GNAL: variants seen among roughly 807,000 people sequenced by gnomAD.
GNAL encodes the protein G protein subunit alpha L.
GNAL carries 18 observed loss-of-function variants against 55.1 expected under a neutral mutation model. The ratio of observed to expected loss-of-function variants is 0.33; its 90% confidence interval spans 0.23 to 0.48. GNAL has a LOEUF of 0.48. Among genes scored for constraint, GNAL ranks in the 20% least tolerant of loss-of-function variants. The probability of loss-of-function intolerance (pLI) is 0.99; values close to 1 mark genes in which losing one functional copy is unlikely to be tolerated. For synonymous variants in GNAL, 253 were observed against 237.0 expected (o/e 1.07, Z -0.62); for missense variants, 412 against 614.1 (o/e 0.67, Z 3.48).
intron 1 of GNAL, among the ~76,000 whole-genome samples, chr18:11,692,849 G>A (rs778099966): frequency 1.3e-5 from 2 of 152,046 alleles, no homozygotes; most frequent in Admixed American, 6.6e-5. Context: ...GTCTCACTAC[G>A]CTGGCCAGGC....
chr18:11,751,744 GCTCC>G lies in GNAL; in HGVS notation c.377-1106_377-1103del. ...GCCGGCCGGGCTCCGTGGGGGGTCA[GCTCC>G]CTGACCCCTACAGCGCGGTAGCGCC... On this transcript the variant is annotated intron_variant, in intron 1 of 11. Transcript: ENST00000334049. The surrounding 1 kb of genome is among the most constrained non-coding windows in gnomAD (Gnocchi z 4.5). The G allele has an allele frequency of 9.0e-6, 7 of 775,436 alleles. No homozygotes were observed. Among genetic ancestry groups the G allele is most frequent in the Non-Finnish European group, 1.1e-5 (7 of 637,856 alleles). The allele number at this position is 775,436 out of a possible 1,614,324, so 48.0% of individuals were successfully genotyped here. A position where few individuals can be genotyped will look rare whatever the true frequency, so the allele number is the denominator to read the frequency against.
intron 4 of GNAL, among the ~76,000 whole-genome samples, chr18:11,794,719 T>C (rs1373643489): frequency 6.7e-6 from 1 of 149,668 alleles, no homozygotes; most frequent in Non-Finnish European, 1.5e-5. Context: ...TGGTTACTTT[T>C]ATGTTATGTG....
intron 1 of GNAL, among the ~76,000 whole-genome samples, chr18:11,724,441 A>G (rs1567999124): frequency 6.6e-6 from 1 of 152,228 alleles, no homozygotes; most frequent in Non-Finnish European, 1.5e-5. Flanking sequence ...CTCTTCAGCA[A>G]CGTCCCAGAA....
chr18:11,715,725 T>C (rs921260279), intron 1 of GNAL, among the ~76,000 whole-genome samples: 11 of 152,026 alleles, frequency 7.2e-5, no homozygotes, highest in African/African-American at 2.7e-4. Flanking sequence ...AGTAGGAACA[T>C]ATAAGGCAGT....
rs1165683242 is a variant in GNAL at position 11,884,161 on chromosome 18, C to T, written c.*3026C>T. On this transcript the variant is annotated 3_prime_UTR_variant, in exon 12 of 12. Coordinates refer to ENST00000334049, the MANE Select transcript of GNAL (RefSeq NM_182978.4). ...CAAGGACTGTCGTGCATGTGAGTGACGACATTAATAGCATTTACATACTGT... is the reference window on the plus strand; with the variant it reads ...CAAGGACTGTCGTGCATGTGAGTGATGACATTAATAGCATTTACATACTGT... The T allele has an allele frequency of 3.6e-5, 11 of 306,784 alleles. No homozygotes were observed. The highest frequency in any genetic ancestry group is 1.0e-4 in the South Asian group (2 of 19,742). 19.0% of individuals were successfully genotyped at this position (306,784 alleles called of 1,614,324 possible). A position where few individuals can be genotyped will look rare whatever the true frequency, so the allele number is the denominator to read the frequency against.
At chr18:11,699,546 G>GTTT (rs59919332) in intron 1 of GNAL, among the ~76,000 whole-genome samples, 9 of 146,254 alleles carry the variant, frequency 6.2e-5, no homozygotes, top group Admixed American at 4.8e-4. Context: ...TAGTTGTTGG[G>GTTT]TTTTTTTTTT....
chr18:11,718,850 C>A (rs2032031302), intron 1 of GNAL, among the ~76,000 whole-genome samples: 1 of 151,950 alleles, frequency 6.6e-6, no homozygotes. Flanking sequence ...TCTTTTCTGG[C>A]TTTTTTTCAT....
intron 5 of GNAL, among the ~76,000 whole-genome samples, chr18:11,846,103 G>A (rs2035728675): frequency 1.3e-5 from 2 of 152,008 alleles, no homozygotes; most frequent in Admixed American, 1.3e-4. Context: ...GAAAAGAGAG[G>A]CATCCCGTAC....
intron 4 of GNAL, among the ~76,000 whole-genome samples, chr18:11,824,458 TG>T (rs1176064310): frequency 2.0e-5 from 3 of 151,830 alleles, no homozygotes; most frequent in African/African-American, 7.3e-5. Flanking sequence ...GAGGCCGAGG[TG>T]GGAGGATCAC....
At chr18:11,880,751 G>C (rs758836593) in intron 11 of GNAL, among the ~76,000 whole-genome samples, 1 of 152,044 alleles carries the variant, frequency 6.6e-6, no homozygotes, top group African/African-American at 2.4e-5. Flanking sequence ...CTTGCCTGCC[G>C]GGGCTTTCTC....
At chr18:11,755,071 C>G (rs2033002492) in intron 4 of GNAL, among the ~76,000 whole-genome samples, 2 of 151,596 alleles carry the variant, frequency 1.3e-5, no homozygotes, top group South Asian at 4.2e-4. Flanking sequence ...TTTGTATTGC[C>G]TGGCATGGTG....
At chr18:11,804,175 A>AGCG (rs1457250768) in intron 4 of GNAL, among the ~76,000 whole-genome samples, 202 of 139,296 alleles carry the variant, frequency 1.5e-3, no homozygotes, top group African/African-American at 4.6e-3. Flanking sequence ...GATACTGTGT[A>AGCG]GTGGTGAAGT....
intron 4 of GNAL, among the ~76,000 whole-genome samples, chr18:11,756,147 A>G (rs889279353): frequency 8.5e-5 from 13 of 152,312 alleles, no homozygotes; most frequent in African/African-American, 3.1e-4. Flanking sequence ...GAGGCATCCC[A>G]TATTCAACCC....
At chr18:11,823,340 CT>C (rs1210422750) in intron 4 of GNAL, among the ~76,000 whole-genome samples, 18 of 152,258 alleles carry the variant, frequency 1.2e-4, no homozygotes, top group Admixed American at 7.9e-4. Flanking sequence ...GAGAATGTCT[CT>C]TTTTTTGTCA....
At chr18:11,818,958 A>G (rs2035025108) in intron 4 of GNAL, among the ~76,000 whole-genome samples, 2 of 152,380 alleles carry the variant, frequency 1.3e-5, no homozygotes, top group African/African-American at 4.8e-5. Flanking sequence ...ACCAGCCCAC[A>G]GGGCAGGGCT....
At chr18:11,828,832 T>G (rs1221195711) in intron 5 of GNAL, among the ~76,000 whole-genome samples, 2 of 152,192 alleles carry the variant, frequency 1.3e-5, no homozygotes, top group Non-Finnish European at 2.9e-5. Flanking sequence ...TGTGTGAGAC[T>G]TTGGGCAAAT....
intron 7 of GNAL, among the ~76,000 whole-genome samples, chr18:11,864,977 C>T (rs912096690): frequency 1.3e-5 from 2 of 152,096 alleles, no homozygotes; most frequent in African/African-American, 4.8e-5. Context: ...ACTGCAAACT[C>T]AGCCAAATGA....
intron 4 of GNAL, among the ~76,000 whole-genome samples, chr18:11,822,459 C>T (rs1462342567): frequency 1.3e-5 from 2 of 152,120 alleles, no homozygotes; most frequent in Non-Finnish European, 2.9e-5. Flanking sequence ...CAAAAATTAG[C>T]CAGGCGTGGT....
At position 11,751,304 on chromosome 18, in the gene GNAL, A is replaced by G. The variant is rs1241467694; in HGVS notation, c.377-1549A>G. Among the ~76,000 whole-genome samples, 2 of 152,188 alleles carry G rather than the reference A, an allele frequency of 1.3e-5. No homozygotes were observed. Among genetic ancestry groups the G allele is most frequent in the African/African-American group, 4.8e-5 (2 of 41,452 alleles). On this transcript the variant is annotated intron_variant, in intron 1 of 11. Coordinates refer to ENST00000334049, the MANE Select transcript of GNAL (RefSeq NM_182978.4). This position sits in a 1 kb window ranked among gnomAD's most constrained non-coding sequence, Gnocchi z 4.5. ...TGGAGGGGTCTCAGTAACGGAGGGC[A>G]GGTGCCAGTCTCGCGCCCTAGTTCG...
Sources: gnomAD v4.1 joint callset for allele counts (sites outside exome capture counted in the v4.1 genomes callset) on GRCh38, gnomAD v4.1.1 for gene constraint, Gnocchi (gnomAD v3.1) non-coding constraint, MANE v1.5 for transcripts, NCBI Gene and HGNC (gene_info 2026-07-23, HGNC 2026-07-21) for gene names.